USO1: variants seen among roughly 807,000 people sequenced by gnomAD.
The protein encoded by USO1 is general vesicular transport factor p115.
Under a neutral mutation model 124.5 loss-of-function variants are expected in USO1, and 57 were observed. That is an observed-to-expected ratio of 0.46 (90% CI 0.37 to 0.57). The LOEUF (loss-of-function observed/expected upper bound fraction) is 0.57. Among genes scored for constraint, USO1 ranks in the 20% least tolerant of loss-of-function variants. The pLI, the probability that USO1 is intolerant of heterozygous loss-of-function variation, is 0.00. For missense variants in USO1, 900 were observed against 1,040.6 expected, an observed-to-expected ratio of 0.86 and a Z score of 1.86; for synonymous variants, 369 against 362.8, an observed-to-expected ratio of 1.02 and a Z score of -0.19.
intron 13 of USO1, among the ~76,000 whole-genome samples, chr4:75,798,351 C>G (rs1722747928): frequency 6.6e-6 from 1 of 152,036 alleles, no homozygotes; most frequent in African/African-American, 2.4e-5. Context: ...TTATATATAA[C>G]CAGGTAGATG....
Position 75,801,201 on chromosome 4 carries a change from G to A in USO1, c.1986+1G>A. 1.2e-6 allele frequency: 2 copies of A among 1,603,068 alleles called. No homozygotes were observed. Among genetic ancestry groups the A allele is most frequent in the Non-Finnish European group, 1.7e-6 (2 of 1,176,232 alleles). ...CTACAAAAATATGATTCGAGAGCAG[G>A]TAAGTACTAATGAACTGTATATACC... On this transcript the variant is annotated splice_donor_variant, in intron 17 of 23. Coordinates refer to ENST00000514213, the MANE Select transcript of USO1 (RefSeq NM_003715.4). LOFTEE classifies it high-confidence loss of function.
chr4:75,804,070 T>C, intron 17 of USO1, 64 bp from the exon 18 acceptor site: 2 of 1,542,588 alleles, frequency 1.3e-6, no homozygotes, highest in Non-Finnish European at 8.7e-7. Context: ...TTTTAAAATG[T>C]GTTCACCTTC....
intron 17 of USO1, among the ~76,000 whole-genome samples, chr4:75,801,943 G>C (rs137895073): frequency 2.0e-5 from 3 of 152,016 alleles, no homozygotes; most frequent in Admixed American, 6.6e-5. Context: ...CCTCAGCCTC[G>C]CAAGTAGCTG....
At chr4:75,725,928 A>G (rs1720427991) in intron 1 of USO1, among the ~76,000 whole-genome samples, 1 of 152,152 alleles carries the variant, frequency 6.6e-6, no homozygotes, top group Non-Finnish European at 1.5e-5. Flanking sequence ...TTTAATCGTT[A>G]ACTACCCTGC....
intron 15 of USO1, 49 bp downstream of exon 15, chr4:75,800,518 C>CCTT (rs1553902601): frequency 3.1e-5 from 43 of 1,376,884 alleles, no homozygotes; most frequent in African/African-American, 4.8e-5. Context: ...GATAATGATG[C>CCTT]TTTTTTTTTT....
chr4:75,755,347 C>T, intron 3 of USO1: 3 of 446,444 alleles, frequency 6.7e-6, no homozygotes, highest in Admixed American at 2.5e-5. Context: ...TTATTTTCCT[C>T]CAGTCTCTTT....
chr4:75,749,652 T>C (rs2149152049), intron 1 of USO1, among the ~76,000 whole-genome samples: 1 of 151,876 alleles, frequency 6.6e-6, no homozygotes, highest in East Asian at 1.9e-4. Context: ...CTTTAGTAAG[T>C]TAAAATACTT....
chr4:75,772,467 G>A (rs1721959800), intron 7 of USO1, among the ~76,000 whole-genome samples: 1 of 151,958 alleles, frequency 6.6e-6, no homozygotes, highest in Non-Finnish European at 1.5e-5. Context: ...TCGAACTCCT[G>A]ACCTTGTGAT....
intron 1 of USO1, among the ~76,000 whole-genome samples, chr4:75,726,602 GA>G (rs1480564022): frequency 6.6e-6 from 1 of 151,472 alleles, no homozygotes; most frequent in African/African-American, 2.4e-5. Flanking sequence ...GGTCTGGTTA[GA>G]ATTGTTTAAA....
chr4:75,795,667 A>G (rs964495638), intron 13 of USO1, among the ~76,000 whole-genome samples: 3 of 152,200 alleles, frequency 2.0e-5, no homozygotes, highest in South Asian at 4.1e-4. Context: ...AAGCTTGCCT[A>G]TTTATTTCCT....
At chr4:75,760,018 T>C (rs1451157987) in intron 4 of USO1, among the ~76,000 whole-genome samples, 1 of 151,268 alleles carries the variant, frequency 6.6e-6, no homozygotes, top group Non-Finnish European at 1.5e-5. Flanking sequence ...TCGAGACCAG[T>C]CTCACCAACA....
chr4:75,810,233 T>G (rs934892908), intron 21 of USO1, among the ~76,000 whole-genome samples, 199 bp from the exon 22 acceptor site: 3 of 152,236 alleles, frequency 2.0e-5, no homozygotes, highest in Non-Finnish European at 2.9e-5. Context: ...CGTACTCTTA[T>G]GAGATTTGAT....
At chr4:75,763,659 T>G (rs1171291469) in intron 4 of USO1, among the ~76,000 whole-genome samples, 3 of 152,158 alleles carry the variant, frequency 2.0e-5, no homozygotes, top group Non-Finnish European at 4.4e-5. Flanking sequence ...CCATTTCATT[T>G]TTATCTTATT....
intron 8 of USO1, among the ~76,000 whole-genome samples, chr4:75,780,330 G>A (rs1275289791): frequency 6.6e-6 from 1 of 150,400 alleles, no homozygotes; most frequent in Non-Finnish European, 1.5e-5. Context: ...GTAGTGGTGT[G>A]ATCTCGGCTC....
At chr4:75,744,230 ACT>A (rs147365122) in intron 1 of USO1, among the ~76,000 whole-genome samples, 1 of 152,262 alleles carries the variant, frequency 6.6e-6, no homozygotes, top group Non-Finnish European at 1.5e-5. Flanking sequence ...GTGTGGCAGC[ACT>A]CTAGTATTTG....
chr4:75,807,942 A>T (rs1406989472), intron 20 of USO1, among the ~76,000 whole-genome samples: 1 of 152,062 alleles, frequency 6.6e-6, no homozygotes, highest in East Asian at 1.9e-4. Context: ...ATAGTAAAGT[A>T]CTATATATAG....
intron 8 of USO1, among the ~76,000 whole-genome samples, chr4:75,781,300 G>A (rs1490881844): frequency 1.3e-5 from 2 of 152,140 alleles, no homozygotes; most frequent in Non-Finnish European, 2.9e-5. Context: ...AACAGATGAG[G>A]GGTTATTACT....
intron 8 of USO1, 73 bp from the exon 9 acceptor site, chr4:75,782,607 T>C: frequency 2.7e-6 from 4 of 1,480,170 alleles, no homozygotes; most frequent in Non-Finnish European, 3.6e-6. Context: ...AGATTTATCT[T>C]TTTAAAAATG....
intron 4 of USO1, among the ~76,000 whole-genome samples, chr4:75,766,511 G>C (rs1577947396): frequency 1.3e-5 from 2 of 152,132 alleles, no homozygotes; most frequent in East Asian, 3.8e-4. Flanking sequence ...TAAGGCCAGG[G>C]ACAGTGCTAA....
Sources: allele counts gnomAD v4.1 joint callset (sites outside exome capture counted in the v4.1 genomes callset), GRCh38; gene constraint gnomAD v4.1.1; transcripts MANE v1.5; gene names NCBI Gene and HGNC (gene_info 2026-07-23, HGNC 2026-07-21).